MAL2: variants seen among roughly 807,000 people sequenced by gnomAD.
The protein encoded by MAL2 is protein MAL2.
Under a neutral mutation model 18.1 loss-of-function variants are expected in MAL2, and 17 were observed. That is an observed-to-expected ratio of 0.94 (90% CI 0.64 to 1.41). The LOEUF (loss-of-function observed/expected upper bound fraction) is 1.41, where lower values mean the gene tolerates loss of function less well. Ranked by LOEUF, MAL2 falls within the 40% of genes most tolerant of loss-of-function variation. MAL2 has a pLI of 0.00. For missense variants in MAL2, 222 were observed against 231.9 expected (o/e 0.96, Z 0.28); for synonymous variants, 102 against 102.3 (o/e 1.00, Z 0.02).
chr8:119,229,483 T>G (rs1403329701), intron 2 of MAL2, among the ~76,000 whole-genome samples: 2 of 152,152 alleles, frequency 1.3e-5, no homozygotes, highest in Non-Finnish European at 2.9e-5. Context: ...CAGCTAATTT[T>G]TGTATTTTTA....
chr8:119,217,609 G>T (rs1407742193), intron 1 of MAL2, among the ~76,000 whole-genome samples: 1 of 152,172 alleles, frequency 6.6e-6, no homozygotes, highest in Non-Finnish European at 1.5e-5. Context: ...GAAGGCAGTG[G>T]CAGGGAAGGG....
At chr8:119,219,982 T>C (rs1817437221) in intron 1 of MAL2, among the ~76,000 whole-genome samples, 1 of 152,192 alleles carries the variant, frequency 6.6e-6, no homozygotes, top group South Asian at 2.1e-4. Context: ...GCCACTCTGA[T>C]GTGAAAGATC....
At chr8:119,210,658 C>T (rs1018582641) in intron 1 of MAL2, among the ~76,000 whole-genome samples, 2 of 152,196 alleles carry the variant, frequency 1.3e-5, no homozygotes, top group African/African-American at 4.8e-5. Flanking sequence ...AAAACTGCCA[C>T]CACTCCCCAA....
chr8:119,241,740 GTTTTAGC>G (rs1818051767), intron 3 of MAL2, among the ~76,000 whole-genome samples: 1 of 152,110 alleles, frequency 6.6e-6, no homozygotes, highest in Admixed American at 6.6e-5. Flanking sequence ...AGGAGTCATG[GTTTTAGC>G]TTTGAAAGGT....
chr8:119,233,786 T>A lies in MAL2; in HGVS notation c.304-6379T>A, dbSNP rs61679034. ...GTACCATTCCTTCTGAAACTATTCC[T>A]ATCAATAGAAAAAGAGAGAATCCTC... On this transcript the variant is annotated intron_variant, in intron 2 of 3. Coordinates refer to ENST00000614891, the MANE Select transcript of MAL2 (RefSeq NM_052886.3). Among the ~76,000 whole-genome samples the A allele has an allele frequency of 2.4e-3, 365 of 149,512 alleles. 10 individuals are homozygous for A. The highest frequency in any genetic ancestry group is 8.7e-3 in the African/African-American group (339 of 38,906).
Position 119,233,596 on chromosome 8 carries a change from G to A in MAL2, c.304-6569G>A, listed in dbSNP as rs376718154. On this transcript the variant is annotated intron_variant, in intron 2 of 3. Coordinates refer to ENST00000614891, the MANE Select transcript of MAL2 (RefSeq NM_052886.3). Reference sequence around the variant, plus strand: ...TCTAGAAGAAATGGATAAATTCCTCGACACATACACCCTCCCAAGACTAAA... The same window carrying A: ...TCTAGAAGAAATGGATAAATTCCTCAACACATACACCCTCCCAAGACTAAA... 3.7e-4 allele frequency among the ~76,000 whole-genome samples: 57 copies of A among 152,188 alleles called. 1 individual carries two copies. The highest frequency in any genetic ancestry group is 3.4e-3 in the Middle Eastern group (1 of 294).
chr8:119,225,911 A>T (rs1030341983), intron 2 of MAL2, among the ~76,000 whole-genome samples: 1 of 152,166 alleles, frequency 6.6e-6, no homozygotes, highest in African/African-American at 2.4e-5. Flanking sequence ...GGCTGCATAA[A>T]TGTCTTCTTT....
intron 1 of MAL2, among the ~76,000 whole-genome samples, chr8:119,213,581 G>A (rs1409143994): frequency 2.0e-5 from 3 of 152,132 alleles, no homozygotes; most frequent in Admixed American, 1.3e-4. Context: ...CACTTTGGGA[G>A]GCTGAAGCAG....
intron 1 of MAL2, chr8:119,215,690 C>G (rs1817340421): frequency 6.6e-6 from 1 of 152,130 alleles, no homozygotes; most frequent in Admixed American, 6.5e-5. Flanking sequence ...GCATGCTAGG[C>G]AGAAACATGG....
rs202036921 is a variant in MAL2 at position 119,240,216 on chromosome 8, T to C, written c.355T>C (p.Leu119=). 173 of 1,613,714 alleles carry C rather than the reference T, an allele frequency of 1.1e-4. No homozygotes were observed. Among genetic ancestry groups the C allele is most frequent in the Non-Finnish European group, 1.3e-4 (159 of 1,179,844 alleles). Residue 119 remains leucine, a synonymous_variant, in exon 3 of 4, where the codon TTG becomes CTG. Coordinates refer to ENST00000614891, the MANE Select transcript of MAL2 (RefSeq NM_052886.3). ...VFVFYFGAFL[L]EAAATSLHDL... The stretch of plus-strand genomic sequence containing the variant: ...TGTCTTCTATTTTGGAGCCTTTTTA[T>C]TGGAAGCAGCAGCCACATCCCTGCA...
At position 119,221,572 on chromosome 8, in the gene MAL2, CT is replaced by C. The variant is rs754704554; in HGVS notation, c.133-10del. 6.2e-7 allele frequency: 1 copy of C among 1,613,158 alleles called. No homozygotes were observed. The highest frequency in any genetic ancestry group is 8.5e-7 in the Non-Finnish European group (1 of 1,179,536). On this transcript the variant is annotated splice_polypyrimidine_tract_variant and intron_variant, in intron 1 of 3. Transcript: ENST00000614891. ...ATCTTTTAAGCAAACCAATTACCCT[CT>C]TTTTCTCTTTCAGCTGTTCGGGGGT...
intron 2 of MAL2, among the ~76,000 whole-genome samples, chr8:119,226,012 G>A (rs1274831210): frequency 1.3e-5 from 2 of 152,072 alleles, no homozygotes; most frequent in African/African-American, 2.4e-5. Flanking sequence ...GATTCTGGAT[G>A]TTAGCCCTTT....
At chr8:119,226,361 A>G (rs1168334443) in intron 2 of MAL2, among the ~76,000 whole-genome samples, 3 of 151,836 alleles carry the variant, frequency 2.0e-5, no homozygotes, top group Non-Finnish European at 4.4e-5. Context: ...ACTTATGGCT[A>G]GCCAGTTTTC....
In MAL2 at chr8:119,244,746, TAAAA is replaced by T. The variant is rs1357544256; in HGVS notation, c.*1259_*1262del. ...CACTGGTGACAGACAAAATCTGTTT[TAAAA>T]TCATATCCAGCACAAAAACTATTTC... On this transcript the variant is annotated 3_prime_UTR_variant, in exon 4 of 4. Transcript: ENST00000614891. The T allele has an allele frequency of 2.0e-5, 3 of 152,308 alleles. No individual in the cohort carries two copies. Among genetic ancestry groups the T allele is most frequent in the Non-Finnish European group, 4.4e-5 (3 of 68,032 alleles). The allele number at this position is 152,308 out of a possible 1,614,324, so 9.4% of individuals were successfully genotyped here. A position where few individuals can be genotyped will look rare whatever the true frequency, so the allele number is the denominator to read the frequency against.
intron 2 of MAL2, chr8:119,223,908 A>G (rs1563771641): frequency 6.6e-6 from 1 of 152,106 alleles, no homozygotes; most frequent in African/African-American, 2.4e-5. Flanking sequence ...TTAGCCATGT[A>G]TATAATGGAA....
chr8:119,229,547 A>T (rs1250388905), intron 2 of MAL2, among the ~76,000 whole-genome samples: 1 of 152,026 alleles, frequency 6.6e-6, no homozygotes, highest in Non-Finnish European at 1.5e-5. Flanking sequence ...TCCTGACCTC[A>T]AGTGATCCAC....
In MAL2 at chr8:119,215,785, C is replaced by T. The variant is rs539657828; in HGVS notation, c.133-5802C>T. On this transcript the variant is annotated intron_variant, in intron 1 of 3. Transcript: ENST00000614891. ...GAGGGTGGTAGGAAAAGAAGCATTA[C>T]AGGGAAGATGATGAGCTTGGGGAGG... Among the ~76,000 whole-genome samples, 11 of 152,158 alleles carry T rather than the reference C, an allele frequency of 7.2e-5. No individual in the cohort carries two copies. In the South Asian group the frequency reaches 2.3e-3, roughly 32 times the overall value.
chr8:119,243,630 T>A lies in MAL2; in HGVS notation c.*142T>A. On this transcript the variant is annotated 3_prime_UTR_variant, in exon 4 of 4. Transcript: ENST00000614891. ...AGAGAGAGACTCTAAGCTCAAGTTC[T>A]GGTTTATTTCATGGATGGAATGTTA... 2 of 547,206 alleles carry A rather than the reference T, an allele frequency of 3.7e-6. No homozygotes were observed. Among genetic ancestry groups the A allele is most frequent in the Non-Finnish European group, 5.8e-6 (2 of 343,442 alleles). 33.9% of individuals were successfully genotyped at this position (547,206 alleles called of 1,614,324 possible).
At chr8:119,236,992 G>A (rs534442599) in intron 2 of MAL2, among the ~76,000 whole-genome samples, 29 of 151,658 alleles carry the variant, frequency 1.9e-4, no homozygotes, top group African/African-American at 6.1e-4. Flanking sequence ...CAAAAAATCA[G>A]TGAATCCAGG....
Sources: gnomAD v4.1 joint callset for allele counts (sites outside exome capture counted in the v4.1 genomes callset) on GRCh38, gnomAD v4.1.1 for gene constraint, MANE v1.5 for transcripts, NCBI Gene and HGNC (gene_info 2026-07-23, HGNC 2026-07-21) for gene names.